The following FRMPD4 variants were observed in gnomAD, a reference collection of about 807,000 sequenced individuals.
FRMPD4 encodes the protein FERM and PDZ domain-containing protein 4.
A neutral mutation model predicts 94.1 loss-of-function variants in FRMPD4; 22 were observed. The observed-to-expected ratio is 0.23, with a 90% CI of 0.17 to 0.33. FRMPD4 has a LOEUF of 0.33. Among genes scored for constraint, FRMPD4 ranks in the 10% least tolerant of loss-of-function variants. The pLI is 1.00. For missense variants in FRMPD4, 1,111 were observed against 1,339.9 expected (o/e 0.83, Z 2.67); for synonymous variants, 631 against 548.6 (o/e 1.15, Z -2.10).
chrX:12,021,410 A>G (rs774019722), intron 3 of FRMPD4, among the ~76,000 whole-genome samples: 195 of 111,840 alleles, frequency 1.7e-3, no homozygotes, highest in Middle Eastern at 9.1e-3. Context: ...GACAAATCGA[A>G]TTGATAATTA....
intron 2 of FRMPD4, among the ~76,000 whole-genome samples, chrX:12,553,924 G>A (rs182721434): frequency 2.0e-4 from 22 of 111,645 alleles, no homozygotes; most frequent in African/African-American, 7.1e-4. Context: ...GAAATTTTAT[G>A]GTTGTATTTT....
At chrX:12,447,813 A>T (rs1486226256) in intron 1 of FRMPD4, among the ~76,000 whole-genome samples, 1 of 112,331 alleles carries the variant, frequency 8.9e-6, no homozygotes, top group Non-Finnish European at 1.9e-5. Context: ...ATACAAAAAT[A>T]AGCATCATCC....
intron 2 of FRMPD4, among the ~76,000 whole-genome samples, chrX:12,528,637 T>C (rs2058252984): frequency 9.0e-6 from 1 of 111,587 alleles, no homozygotes; most frequent in Admixed American, 9.5e-5. Flanking sequence ...GTAATTTCTT[T>C]CACTTCTGAT....
At chrX:11,967,376 T>C (rs2054314817) in intron 3 of FRMPD4, among the ~76,000 whole-genome samples, 1 of 112,691 alleles carries the variant, frequency 8.9e-6, no homozygotes, top group Admixed American at 9.4e-5. Context: ...AGCACTGTTA[T>C]AAGACGAGGC....
At chrX:12,152,923 A>ATT (rs11432329) in intron 1 of FRMPD4, among the ~76,000 whole-genome samples, 976 of 75,687 alleles carry the variant, frequency 0.013, 29 homozygotes, top group Non-Finnish European at 0.018. Context: ...AAGCTTATAC[A>ATT]TTTTTTTTTT....
At chrX:12,252,911 G>A (rs944402947) in intron 1 of FRMPD4, among the ~76,000 whole-genome samples, 4 of 111,538 alleles carry the variant, frequency 3.6e-5, no homozygotes, top group Non-Finnish European at 7.5e-5. Context: ...ATAGGACTTT[G>A]ATTAATATAT....
chrX:12,714,840 T>C (rs1254546362), intron 14 of FRMPD4, among the ~76,000 whole-genome samples: 2 of 112,218 alleles, frequency 1.8e-5, no homozygotes, highest in Middle Eastern at 4.2e-3. Context: ...GGTTTATTTA[T>C]TGTATGGTAA....
At chrX:12,516,276 G>A (rs1408687574) in intron 2 of FRMPD4, among the ~76,000 whole-genome samples, 1 of 111,992 alleles carries the variant, frequency 8.9e-6, no homozygotes, top group Admixed American at 9.4e-5. Flanking sequence ...ACTTGTTGAT[G>A]TAGTTGCTTC....
At chrX:12,591,584 A>G (rs1255415167) in intron 2 of FRMPD4, among the ~76,000 whole-genome samples, 2 of 112,345 alleles carry the variant, frequency 1.8e-5, no homozygotes, top group African/African-American at 6.5e-5. Flanking sequence ...CATTATTTAT[A>G]CATTATCTAT....
At chrX:11,886,975 G>C (rs938703137) in intron 3 of FRMPD4, among the ~76,000 whole-genome samples, 1 of 110,151 alleles carries the variant, frequency 9.1e-6, no homozygotes, top group Non-Finnish European at 1.9e-5. Context: ...CTCAGCTTTA[G>C]TTTTCTACAG....
chrX:12,640,556 G>C (rs760790930), intron 4 of FRMPD4, among the ~76,000 whole-genome samples: 2 of 111,278 alleles, frequency 1.8e-5, no homozygotes, highest in South Asian at 7.6e-4. Flanking sequence ...CTTTATGTAA[G>C]ACTAATGTAG....
rs185676161 is a variant in FRMPD4, at chrX:11,868,538, G to A, written c.-30+3322G>A. ...ATGATTAGAAATTTGATTTCCAACT[G>A]GAGATGTATTCTTGAGACACAATTA... is the stretch of plus-strand genomic sequence containing the variant. On this transcript the variant is annotated intron_variant, in intron 2 of 18. Coordinates refer to the FRMPD4 transcript ENST00000640291. 3.0e-5 allele frequency among the ~76,000 whole-genome samples: 3 copies of A among 100,924 alleles called. No individual in the cohort carries two copies. In the Admixed American group the frequency reaches 3.3e-4, roughly 11 times the overall value. The allele number at this position is 100,924 out of a possible 115,157, so 87.6% of individuals were successfully genotyped here. A position where few individuals can be genotyped will look rare whatever the true frequency, so the allele number is the denominator to read the frequency against.
At chrX:11,989,762 A>G (rs1469399025) in intron 3 of FRMPD4, among the ~76,000 whole-genome samples, 12 of 111,592 alleles carry the variant, frequency 1.1e-4, no homozygotes, top group Non-Finnish European at 2.1e-4. Context: ...CCATAATTAT[A>G]TACACCTATG....
chrX:12,575,616 G>C (rs757830637), intron 2 of FRMPD4, among the ~76,000 whole-genome samples: 3 of 111,941 alleles, frequency 2.7e-5, no homozygotes, highest in Admixed American at 1.9e-4. Context: ...CATGACAAAG[G>C]ACAGTTCAGA....
chrX:12,333,582 T>A (rs1158212272), intron 1 of FRMPD4, among the ~76,000 whole-genome samples: 1 of 112,119 alleles, frequency 8.9e-6, no homozygotes, highest in Non-Finnish European at 1.9e-5. Context: ...AAATTTTACT[T>A]TATAATTTCT....
chrX:12,219,610 G>C (rs1417653038), intron 1 of FRMPD4, among the ~76,000 whole-genome samples: 1 of 111,649 alleles, frequency 9.0e-6, no homozygotes, highest in African/African-American at 3.3e-5. Context: ...ATCCTTTCTA[G>C]AAATTCTGAT....
chrX:12,409,382 G>A (rs941620221), intron 1 of FRMPD4, among the ~76,000 whole-genome samples: 1 of 111,619 alleles, frequency 9.0e-6, no homozygotes, highest in Middle Eastern at 4.6e-3. Flanking sequence ...TAAAAGGGTT[G>A]TGCTTTCTCC....
chrX:12,038,813 T>C (rs2054734169), intron 3 of FRMPD4, among the ~76,000 whole-genome samples: 1 of 112,144 alleles, frequency 8.9e-6, no homozygotes. Flanking sequence ...CTAATTTTGG[T>C]AATTTGTTTC....
intron 2 of FRMPD4, among the ~76,000 whole-genome samples, chrX:12,534,554 G>A (rs1431222254): frequency 8.9e-6 from 1 of 112,322 alleles, no homozygotes; most frequent in African/African-American, 3.2e-5. Flanking sequence ...AAATCCACAG[G>A]GGTGGAACTG....
Sources: gnomAD v4.1 joint callset for allele counts (sites outside exome capture counted in the v4.1 genomes callset) on GRCh38, gnomAD v4.1.1 for gene constraint, MANE v1.5 for transcripts, NCBI Gene and HGNC (gene_info 2026-07-23, HGNC 2026-07-21) for gene names.